DENND4C: variants seen among roughly 807,000 people sequenced by gnomAD.
DENND4C encodes DENN domain-containing protein 4C.
Under a neutral mutation model 203.0 loss-of-function variants are expected in DENND4C, and 108 were observed. The ratio of observed to expected loss-of-function variants is 0.53; its 90% CI spans 0.46 to 0.62. The LOEUF (loss-of-function observed/expected upper bound fraction) is 0.62. Ranked by LOEUF, DENND4C falls within the 20% of genes least tolerant of loss-of-function variation. The pLI is 0.00. For missense variants in DENND4C, 2,481 were observed against 2,301.2 expected (o/e 1.08, Z -1.60); for synonymous variants, 871 against 792.4 (o/e 1.10, Z -1.67).
Position 19,326,095 on chromosome 9 carries a change from T to G in DENND4C, c.2021T>G (p.Leu674Trp), listed in dbSNP as rs200244931. 1.5e-5 allele frequency: 24 copies of G among 1,612,046 alleles called. No homozygotes were observed. In the East Asian group the frequency reaches 5.4e-4, roughly 36 times the overall value. ...VDFDSAEDTR[L>W]IELDDSQKSE... ...TTTGATTCAGCAGAAGATACCAGAT[T>G]GATAGAACTAGATGATTCACAGAAA... Residue 674 changes from leucine (L) to tryptophan (W), a missense_variant, in exon 15 of 33, where the codon TTG becomes TGG. This residue lies in a region of DENND4C where 2,289 missense variants were observed against 2,113.3 expected (regional missense o/e 1.08). Coordinates refer to ENST00000434457, the MANE Select transcript of DENND4C (RefSeq NM_001330640.2).
At chr9:19,315,091 C>G (rs758853760) in intron 10 of DENND4C, among the ~76,000 whole-genome samples, 1 of 140,626 alleles carries the variant, frequency 7.1e-6, no homozygotes, top group Non-Finnish European at 1.5e-5. Flanking sequence ...ACCTGGAATG[C>G]GGAGGTTGCA....
chr9:19,312,653 T>C (rs560279415), intron 10 of DENND4C, among the ~76,000 whole-genome samples: 2 of 152,348 alleles, frequency 1.3e-5, no homozygotes, highest in South Asian at 4.1e-4. Context: ...ACTAAAGTTT[T>C]AAAACTCCCA....
intron 12 of DENND4C, among the ~76,000 whole-genome samples, chr9:19,323,129 A>G (rs1285526655): frequency 6.6e-6 from 1 of 152,106 alleles, no homozygotes; most frequent in Admixed American, 6.5e-5. Context: ...ACATAGCAAG[A>G]CACCCATCTC....
At chr9:19,249,374 T>C (rs1296872877) in intron 1 of DENND4C, among the ~76,000 whole-genome samples, 1 of 151,828 alleles carries the variant, frequency 6.6e-6, no homozygotes, top group Non-Finnish European at 1.5e-5. Flanking sequence ...TGCCTCAGCC[T>C]CCCGAGTAGC....
chr9:19,276,399 G>T lies in DENND4C; in HGVS notation c.225G>T (p.Leu75Phe). Residue 75 changes from leucine to phenylalanine, a missense_variant, in exon 2 of 33, where the codon TTG (leucine) becomes TTT (phenylalanine). Transcript: ENST00000434457. ...EATPSALQANLNYGSLKSPEL... is the reference protein window; with the variant it reads ...EATPSALQANFNYGSLKSPEL... Reference sequence around the variant, plus strand: ...CTCCATCAGCTCTCCAAGCAAACTTGAACTATGGAAGTCTGAAAAGCCCAG... The same window carrying T: ...CTCCATCAGCTCTCCAAGCAAACTTTAACTATGGAAGTCTGAAAAGCCCAG... 1 of 1,232,054 alleles carries T rather than the reference G, an allele frequency of 8.1e-7. No homozygotes were observed. Among genetic ancestry groups the T allele is most frequent in the Non-Finnish European group, 1.0e-6 (1 of 987,940 alleles). 76.3% of individuals were successfully genotyped at this position (1,232,054 alleles called of 1,614,324 possible).
intron 2 of DENND4C, among the ~76,000 whole-genome samples, chr9:19,282,857 C>G (rs1428830340): frequency 6.6e-6 from 1 of 151,302 alleles, no homozygotes; most frequent in Non-Finnish European, 1.5e-5. Context: ...GCTGCGATTA[C>G]AGGCATCTGC....
chr9:19,336,732 CGGTAGTGT>C lies in DENND4C; in HGVS notation c.2784_2791del (p.Ser929Ter). ...GAAGTGATGGGGACACGGTGAGCCA[CGGTAGTGT>C]GGATAGTTCTAATGATGCTAACAAT... On this transcript the variant is annotated frameshift_variant, in exon 20 of 33. Coordinates refer to ENST00000434457, the MANE Select transcript of DENND4C (RefSeq NM_001330640.2). LOFTEE classifies it high-confidence loss of function. 1 of 1,551,034 alleles carries C rather than the reference CGGTAGTGT, an allele frequency of 6.4e-7. No homozygotes were observed. Among genetic ancestry groups the C allele is most frequent in the Non-Finnish European group, 8.7e-7 (1 of 1,147,078 alleles).
At chr9:19,298,878 G>A (rs539066379) in intron 7 of DENND4C, among the ~76,000 whole-genome samples, 6 of 152,168 alleles carry the variant, frequency 3.9e-5, no homozygotes, top group South Asian at 2.1e-4. Context: ...AAGTATTTAC[G>A]TGCCAAGCAA....
At chr9:19,274,445 G>A (rs943701751) in intron 1 of DENND4C, among the ~76,000 whole-genome samples, 3 of 152,026 alleles carry the variant, frequency 2.0e-5, no homozygotes, top group Non-Finnish European at 2.9e-5. Flanking sequence ...ACAGGCATGC[G>A]CCACCGCACC....
chr9:19,313,571 G>C (rs1299521841), intron 10 of DENND4C, among the ~76,000 whole-genome samples: 1 of 152,182 alleles, frequency 6.6e-6, no homozygotes, highest in African/African-American at 2.4e-5. Context: ...AATGAGAGAA[G>C]TTGATCAGAG....
intron 2 of DENND4C, among the ~76,000 whole-genome samples, chr9:19,276,916 C>T (rs1039936046): frequency 1.3e-5 from 2 of 151,634 alleles, no homozygotes. Context: ...ACAGTTGTAA[C>T]GTGTGGCTTT....
intron 1 of DENND4C, among the ~76,000 whole-genome samples, chr9:19,251,276 C>A (rs987356781): frequency 6.6e-6 from 1 of 152,244 alleles, no homozygotes; most frequent in African/African-American, 2.4e-5. Context: ...ATGGCCTGAG[C>A]TGTACCTTGG....
intron 9 of DENND4C, among the ~76,000 whole-genome samples, chr9:19,303,722 A>C (rs1276618672): frequency 6.6e-6 from 1 of 152,214 alleles, no homozygotes; most frequent in Non-Finnish European, 1.5e-5. Flanking sequence ...TAAGCGTTAT[A>C]GGCATTTCTT....
chr9:19,286,566 T>A (rs1441216656), intron 2 of DENND4C, among the ~76,000 whole-genome samples: 1 of 152,198 alleles, frequency 6.6e-6, no homozygotes, highest in Non-Finnish European at 1.5e-5. Context: ...AAAAATAGTT[T>A]AGAGACTTGT....
chr9:19,306,541 T>C (rs969348895), intron 10 of DENND4C, among the ~76,000 whole-genome samples: 3 of 152,094 alleles, frequency 2.0e-5, no homozygotes, highest in Non-Finnish European at 4.4e-5. Context: ...TGAAAAACAA[T>C]TATTTCAGGA....
chr9:19,317,528 G>T (rs1842060646), intron 12 of DENND4C, among the ~76,000 whole-genome samples: 1 of 151,964 alleles, frequency 6.6e-6, no homozygotes, highest in Non-Finnish European at 1.5e-5. Context: ...CAATATTTAT[G>T]TGAAATTATT....
chr9:19,351,515 T>G (rs1824106788), intron 24 of DENND4C, among the ~76,000 whole-genome samples: 1 of 152,062 alleles, frequency 6.6e-6, no homozygotes, highest in South Asian at 2.1e-4. Context: ...TGTAAAAATT[T>G]AAAATGTCCA....
chr9:19,263,398 C>T (rs1208743215), intron 1 of DENND4C, among the ~76,000 whole-genome samples: 2 of 151,926 alleles, frequency 1.3e-5, no homozygotes, highest in Admixed American at 1.3e-4. Context: ...CTCTTGTCAC[C>T]CAGGCTAGAG....
chr9:19,332,557 GTCTCACCGTGTTGGCCAGGCTGGTCTC>G (rs1819469605), intron 17 of DENND4C, among the ~76,000 whole-genome samples: 1 of 148,496 alleles, frequency 6.7e-6, no homozygotes, highest in Non-Finnish European at 1.5e-5. Context: ...TAGAGATGGG[GTCTCACCGTGTTGGCCAGGCTGGTCTC>G]AAACTCCTGG....
Sources: allele counts gnomAD v4.1 joint callset (sites outside exome capture counted in the v4.1 genomes callset), GRCh38; gene constraint gnomAD v4.1.1; regional missense constraint gnomAD v4.1.1; transcripts MANE v1.5; gene names NCBI Gene and HGNC (gene_info 2026-07-23, HGNC 2026-07-21).